The following FBF1 variants were observed in gnomAD, a reference collection of about 807,000 sequenced individuals.
FBF1 encodes fas-binding factor 1.
In FBF1, 119 loss-of-function variants were observed where a neutral mutation model predicts 147.2. That is an observed-to-expected ratio of 0.81 (90% CI 0.70 to 0.94). The LOEUF (loss-of-function observed/expected upper bound fraction) is 0.94, where lower values mean the gene tolerates loss of function less well. FBF1 is among the 40% of genes least tolerant of loss of function. The pLI, the probability that FBF1 is intolerant of heterozygous loss-of-function variation, is 0.00. For missense variants in FBF1, 1,449 were observed against 1,500.8 expected, an observed-to-expected ratio of 0.97 and a Z score of 0.57; for synonymous variants, 601 against 609.0, an observed-to-expected ratio of 0.99 and a Z score of 0.19.
intron 9 of FBF1, among the ~76,000 whole-genome samples, chr17:75,927,130 C>T (rs2065567212): frequency 6.6e-6 from 1 of 152,232 alleles, no homozygotes. Flanking sequence ...GGGCCTCTGA[C>T]TCTGCAGGCT....
At chr17:75,935,500 C>G (rs2065618855) in intron 4 of FBF1, 132 bp downstream of exon 4, 1 of 904,612 alleles carries the variant, frequency 1.1e-6, no homozygotes, top group Admixed American at 2.9e-5. Flanking sequence ...TGCCTGTAAT[C>G]CCAGCACTTT....
In FBF1 at chr17:75,910,433, GCTGGGGGTC is replaced by G. The variant is rs974913730; in HGVS notation, c.*281_*289del. The G allele has an allele frequency of 7.0e-6, 3 of 425,744 alleles. No individual in the cohort carries two copies. The highest frequency in any genetic ancestry group is 6.8e-4 in the Middle Eastern group (1 of 1,476). 26.4% of individuals were successfully genotyped at this position (425,744 alleles called of 1,614,324 possible). On this transcript the variant is annotated 3_prime_UTR_variant, in exon 30 of 30. Transcript: ENST00000636174. This position sits in a 1 kb window ranked among gnomAD's most constrained non-coding sequence, Gnocchi z 4.1. ...GGGGAGCCCACAGAGCCCAGTGAGA[GCTGGGGGTC>G]CTTGCTGCCAACTCAGACCCTCAGA...
chr17:75,934,395 T>C (rs2144194188), intron 4 of FBF1, among the ~76,000 whole-genome samples: 1 of 152,042 alleles, frequency 6.6e-6, no homozygotes, highest in Non-Finnish European at 1.5e-5. Flanking sequence ...AACCCATCTC[T>C]ACTAAAAATA....
At chr17:75,926,978 T>C (rs1442084316) in intron 9 of FBF1, 101 bp from the exon 10 acceptor site, 31 of 1,478,320 alleles carry the variant, frequency 2.1e-5, no homozygotes, top group Non-Finnish European at 2.8e-5. Flanking sequence ...TTCTAGCTGC[T>C]CCAGTACATA....
chr17:75,925,462 C>T lies in FBF1; in HGVS notation c.869-16G>A. The T allele has an allele frequency of 1.2e-6, 2 of 1,603,436 alleles. No homozygotes were observed. The highest frequency in any genetic ancestry group is 8.5e-7 in the Non-Finnish European group (1 of 1,175,212). On this transcript the variant is annotated splice_polypyrimidine_tract_variant and intron_variant, in intron 12 of 29. Coordinates refer to ENST00000636174, the MANE Select transcript of FBF1 (RefSeq NM_001319193.2). This position sits in a 1 kb window ranked among gnomAD's most constrained non-coding sequence, Gnocchi z 5.0. The stretch of plus-strand genomic sequence containing the variant: ...TCTTCACTGTCTGTGAATTAAGGAG[C>T]CTGTGACCGTGATCTGGAGTAGGGG...
At position 75,923,574 on chromosome 17, in the gene FBF1, C is replaced by A. The variant is rs1249968706; in HGVS notation, c.1036G>T (p.Ala346Ser). 1.9e-6 allele frequency: 3 copies of A among 1,610,592 alleles called. No individual in the cohort carries two copies. The highest frequency in any genetic ancestry group is 2.5e-6 in the Non-Finnish European group (3 of 1,178,760). ...EPGSKQSPPMASSPIQPRKGG... is the reference protein window; with the variant it reads ...EPGSKQSPPMSSSPIQPRKGG... Reference sequence around the variant, plus strand: ...TTCCTGGGCTGGATGGGGCTGGAAGCCATTGGAGGGCTCTGTTTGGAGCCT... The same window carrying A: ...TTCCTGGGCTGGATGGGGCTGGAAGACATTGGAGGGCTCTGTTTGGAGCCT... The change falls in exon 14 of 30, where the codon GCT (alanine) becomes TCT (serine). Residue 346 changes from alanine to serine, a missense_variant. Physicochemically the swap from Ala to Ser is moderately conservative, Grantham distance 99 (BLOSUM62 1). Coordinates refer to ENST00000636174, the MANE Select transcript of FBF1 (RefSeq NM_001319193.2). The surrounding 1 kb of genome is among the most constrained non-coding windows in gnomAD (Gnocchi z 4.1).
rs1444424267 is a variant in FBF1, at chr17:75,917,737, C to G, written c.2500G>C (p.Glu834Gln). The G allele has an allele frequency of 6.3e-7, 1 of 1,588,492 alleles. No individual in the cohort carries two copies. The highest frequency in any genetic ancestry group is 1.3e-5 in the African/African-American group (1 of 74,292). The change falls in exon 23 of 30, where the codon GAG becomes CAG. Residue 834 changes from glutamate to glutamine, a missense_variant. Glu to Gln is a conservative substitution (Grantham distance 29). Coordinates refer to ENST00000636174, the MANE Select transcript of FBF1 (RefSeq NM_001319193.2). ...GCCAGGAGGACGGGCCTCACCTGCT[C>G]CAGCAGCCGGCTCTGCTCATTCAGC... Reference protein sequence around the residue: ...ARLNEQSRLLEQERWRVTAEQ... With the variant: ...ARLNEQSRLLQQERWRVTAEQ...
chr17:75,929,945 A>AGGGGCCCCCCCCCCC, intron 7 of FBF1, 52 bp downstream of exon 7: 2 of 650,872 alleles, frequency 3.1e-6, no homozygotes, highest in Non-Finnish European at 2.8e-6. Flanking sequence ...AAATATCATG[A>AGGGGCCCCCCCCCCC]CCCCACCCCA....
intron 1 of FBF1, among the ~76,000 whole-genome samples, chr17:75,938,905 G>A (rs1184613149): frequency 6.6e-6 from 1 of 151,596 alleles, no homozygotes; most frequent in Non-Finnish European, 1.5e-5. Context: ...ATGAATCCAA[G>A]GGTTATCAAA....
chr17:75,917,862 C>A lies in FBF1; in HGVS notation c.2387-12G>T. 11 of 1,586,630 alleles carry A rather than the reference C, an allele frequency of 6.9e-6. No individual in the cohort carries two copies. The highest frequency in any genetic ancestry group is 9.4e-6 in the Non-Finnish European group (11 of 1,170,842). ...CCGCTCCTGCAGTGCTGGGGGCAACCCACAGGGTGCTCAGCAGCTGCTCCC... is the reference window on the plus strand; with the variant it reads ...CCGCTCCTGCAGTGCTGGGGGCAACACACAGGGTGCTCAGCAGCTGCTCCC... On this transcript the variant is annotated splice_polypyrimidine_tract_variant and intron_variant, in intron 22 of 29. Coordinates refer to ENST00000636174, the MANE Select transcript of FBF1 (RefSeq NM_001319193.2).
Position 75,925,963 on chromosome 17 carries a change from G to A in FBF1, c.868+67C>T. 8 of 1,516,702 alleles carry A rather than the reference G, an allele frequency of 5.3e-6. No homozygotes were observed. In the South Asian group the frequency reaches 9.1e-5, roughly 17 times the overall value. 94.0% of individuals were successfully genotyped at this position (1,516,702 alleles called of 1,614,324 possible). A position where few individuals can be genotyped will look rare whatever the true frequency, so the allele number is the denominator to read the frequency against. ...ATGTGAGGCTGATTTCTCATTATAG[G>A]TTGTGATGAAAGCCTGATCTAGAGG... On this transcript the variant is annotated intron_variant, in intron 12 of 29. Coordinates refer to ENST00000636174, the MANE Select transcript of FBF1 (RefSeq NM_001319193.2). This position sits in a 1 kb window ranked among gnomAD's most constrained non-coding sequence, Gnocchi z 5.0.
intron 17 of FBF1, 66 bp downstream of exon 17, chr17:75,921,178 A>G (rs1331380438): frequency 3.3e-6 from 5 of 1,493,120 alleles, no homozygotes; most frequent in African/African-American, 1.4e-5. Flanking sequence ...AACTGTGGGT[A>G]TTGCCCCTGG....
chr17:75,919,981 C>A lies in FBF1; in HGVS notation c.1931+26G>T. On this transcript the variant is annotated intron_variant, in intron 19 of 29. Coordinates refer to ENST00000636174, the MANE Select transcript of FBF1 (RefSeq NM_001319193.2). The surrounding 1 kb of genome is among the most constrained non-coding windows in gnomAD (Gnocchi z 5.0). ...TTTGGGGTCAGTGTGAGATCCAAGGCAGAGCTGGGGCCAGCGCCAGGGTAC... is the reference window on the plus strand; with the variant it reads ...TTTGGGGTCAGTGTGAGATCCAAGGAAGAGCTGGGGCCAGCGCCAGGGTAC... 1 of 1,609,982 alleles carries A rather than the reference C, an allele frequency of 6.2e-7. No individual in the cohort carries two copies. Among genetic ancestry groups the A allele is most frequent in the African/African-American group, 1.3e-5 (1 of 74,976 alleles).
chr17:75,935,722 C>T, intron 3 of FBF1, 49 bp from the exon 4 acceptor site: 1 of 1,509,294 alleles, frequency 6.6e-7, no homozygotes, highest in African/African-American at 1.4e-5. Flanking sequence ...AGAAGAGTGG[C>T]CCTTATAAAC....
At chr17:75,924,660 CA>C (rs929523268) in intron 13 of FBF1, among the ~76,000 whole-genome samples, 1 of 152,038 alleles carries the variant, frequency 6.6e-6, no homozygotes, top group African/African-American at 2.4e-5. Flanking sequence ...GTATTTTCAG[CA>C]GAGACGGGGT....
Position 75,937,600 on chromosome 17 carries a change from T to C in FBF1, c.4-7A>G, listed in dbSNP as rs201246993. On this transcript the variant is annotated splice_region_variant and splice_polypyrimidine_tract_variant and intron_variant, in intron 2 of 29. Transcript: ENST00000636174. Reference sequence around the variant, plus strand: ...CTTTCTTGGTTTTTGGTGCCTAAAATGGGAAAAACAAATCACATCAAGAAA... The same window carrying C: ...CTTTCTTGGTTTTTGGTGCCTAAAACGGGAAAAACAAATCACATCAAGAAA... 351 of 1,613,900 alleles carry C rather than the reference T, an allele frequency of 2.2e-4. No individual in the cohort carries two copies. Among genetic ancestry groups the C allele is most frequent in the Middle Eastern group, 2.1e-3 (13 of 6,060 alleles).
intron 11 of FBF1, 28 bp from the exon 12 acceptor site, chr17:75,926,191 G>A (rs751245648): frequency 1.4e-5 from 23 of 1,605,204 alleles, no homozygotes; most frequent in South Asian, 5.6e-5. Flanking sequence ...CGGCAGGAAC[G>A]TGTAGGTATG....
chr17:75,929,893 T>C (rs2065583665), intron 7 of FBF1, 104 bp downstream of exon 7: 2 of 1,056,276 alleles, frequency 1.9e-6, no homozygotes, highest in Non-Finnish European at 2.8e-6. Context: ...GAAACACAGG[T>C]TGTAAAGGGA....
rs1295678427 is a variant in FBF1, at chr17:75,918,552, C to T, written c.2139-283G>A. ...TCACTCTGTCGCCCAGGCTGGAGTT[C>T]AGTGGCATGATCTCGGCTCACTGCA... On this transcript the variant is annotated intron_variant, in intron 20 of 29. Transcript: ENST00000636174. This position sits in a 1 kb window ranked among gnomAD's most constrained non-coding sequence, Gnocchi z 5.8. Among the ~76,000 whole-genome samples the T allele has an allele frequency of 6.6e-6, 1 of 152,104 alleles. No homozygotes were observed. Among genetic ancestry groups the T allele is most frequent in the Non-Finnish European group, 1.5e-5 (1 of 68,018 alleles).
Sources: allele counts gnomAD v4.1 joint callset (sites outside exome capture counted in the v4.1 genomes callset), GRCh38; gene constraint gnomAD v4.1.1; non-coding constraint Gnocchi (gnomAD v3.1); transcripts MANE v1.5; gene names NCBI Gene and HGNC (gene_info 2026-07-23, HGNC 2026-07-21).